LARP1B: variants seen among roughly 807,000 people sequenced by gnomAD.
LARP1B encodes the protein La ribonucleoprotein 1B.
LARP1B carries 76 observed loss-of-function variants against 114.2 expected under a neutral mutation model. The observed-to-expected ratio is 0.67, with a 90% CI of 0.55 to 0.81. The LOEUF (loss-of-function observed/expected upper bound fraction) is 0.81. LARP1B is among the 30% of genes least tolerant of loss of function. The probability of loss-of-function intolerance (pLI) is 0.00; values close to 1 mark genes in which losing one functional copy is unlikely to be tolerated. For synonymous variants in LARP1B, 345 were observed against 348.0 expected (o/e 0.99, Z 0.10); for missense variants, 1,014 against 1,075.8 (o/e 0.94, Z 0.80).
At chr4:128,160,893 T>C (rs1001178092) in intron 11 of LARP1B, among the ~76,000 whole-genome samples, 2 of 152,236 alleles carry the variant, frequency 1.3e-5, no homozygotes, top group African/African-American at 4.8e-5. Context: ...GACTTCATCT[T>C]TGAAGACAGA....
In LARP1B at chr4:128,108,090, T is replaced by C; in HGVS notation, c.988+777T>C. The C allele has an allele frequency of 2.9e-6, 4 of 1,399,290 alleles. 1 individual carries two copies. 86.7% of individuals were successfully genotyped at this position (1,399,290 alleles called of 1,614,324 possible). A position where few individuals can be genotyped will look rare whatever the true frequency, so the allele number is the denominator to read the frequency against. ...ACACTGCAGTGGAGATAACCACCTT[T>C]GCGATAATGAGAGACAGACCAGAGG... On this transcript the variant is annotated intron_variant, in intron 9 of 19. Coordinates refer to ENST00000326639, the MANE Select transcript of LARP1B (RefSeq NM_018078.4).
chr4:128,075,915 A>G (rs1169109204), intron 3 of LARP1B, among the ~76,000 whole-genome samples: 2 of 152,196 alleles, frequency 1.3e-5, no homozygotes, highest in African/African-American at 2.4e-5. Flanking sequence ...ATAAAATCAC[A>G]TACATTGATA....
intron 7 of LARP1B, among the ~76,000 whole-genome samples, chr4:128,096,285 G>A (rs1350134711): frequency 6.6e-6 from 1 of 152,154 alleles, no homozygotes; most frequent in Non-Finnish European, 1.5e-5. Context: ...GAGCCACCGC[G>A]CCCGGCCTAT....
chr4:128,084,971 C>G (rs537227020), intron 5 of LARP1B, among the ~76,000 whole-genome samples: 3 of 152,124 alleles, frequency 2.0e-5, no homozygotes, highest in African/African-American at 4.8e-5. Flanking sequence ...TCAAGCAATT[C>G]TTCTGTTTCA....
chr4:128,209,832 G>C (rs760269931), intron 19 of LARP1B, 24 bp from the exon 20 acceptor site: 3 of 1,590,740 alleles, frequency 1.9e-6, no homozygotes, highest in Non-Finnish European at 2.6e-6. Flanking sequence ...AATTGTCAAC[G>C]GTGTTGCCTT....
In LARP1B at chr4:128,061,600, A is replaced by G. The variant is rs948107177; in HGVS notation, c.-78+199A>G. 5 of 820,096 alleles carry G rather than the reference A, an allele frequency of 6.1e-6. No individual in the cohort carries two copies. In the Admixed American group the frequency reaches 3.1e-4, roughly 52 times the overall value. 50.8% of individuals were successfully genotyped at this position (820,096 alleles called of 1,614,324 possible). Reference sequence around the variant, plus strand: ...CCGGGCTCTCGGGTTGTCTGTCCCCAGTTGGAGCCGGCCGGTGTCCCGGCG... The same window carrying G: ...CCGGGCTCTCGGGTTGTCTGTCCCCGGTTGGAGCCGGCCGGTGTCCCGGCG... On this transcript the variant is annotated intron_variant, in intron 1 of 19. Coordinates refer to ENST00000326639, the MANE Select transcript of LARP1B (RefSeq NM_018078.4).
At chr4:128,079,911 A>C (rs1228219980) in intron 4 of LARP1B, among the ~76,000 whole-genome samples, 2 of 151,824 alleles carry the variant, frequency 1.3e-5, no homozygotes, top group Non-Finnish European at 2.9e-5. Context: ...CCTGCTTCCT[A>C]CATACGTAAG....
chr4:128,169,581 A>T (rs538503119), intron 12 of LARP1B, among the ~76,000 whole-genome samples: 1 of 152,168 alleles, frequency 6.6e-6, no homozygotes, highest in Admixed American at 6.6e-5. Context: ...TTTCTGATAT[A>T]AGCATTTAAT....
intron 1 of LARP1B, among the ~76,000 whole-genome samples, chr4:128,073,832 C>T (rs548697001): frequency 5.3e-5 from 8 of 151,894 alleles, no homozygotes; most frequent in East Asian, 3.9e-4. Context: ...TCCAGTGATC[C>T]GCCCATCTTG....
intron 11 of LARP1B, among the ~76,000 whole-genome samples, chr4:128,157,619 C>T (rs983188153): frequency 1.3e-5 from 2 of 152,034 alleles, no homozygotes; most frequent in African/African-American, 4.8e-5. Context: ...AGACTTACAG[C>T]TAACTTCTCA....
chr4:128,158,793 A>G (rs1010433698), intron 11 of LARP1B, among the ~76,000 whole-genome samples: 2 of 152,172 alleles, frequency 1.3e-5, no homozygotes, highest in African/African-American at 4.8e-5. Context: ...GGAAGTTGCA[A>G]AAAGTGTACA....
At chr4:128,139,508 T>C (rs971370691) in intron 11 of LARP1B, among the ~76,000 whole-genome samples, 1 of 151,836 alleles carries the variant, frequency 6.6e-6, no homozygotes, top group Non-Finnish European at 1.5e-5. Context: ...GGCAATATAG[T>C]GAGGCCCATC....
intron 11 of LARP1B, among the ~76,000 whole-genome samples, chr4:128,138,710 C>A (rs557247669): frequency 6.5e-4 from 99 of 152,294 alleles, no homozygotes; most frequent in African/African-American, 2.3e-3. Context: ...GTAATCCCAA[C>A]CTTTTGTGAG....
rs551424022 is a variant in LARP1B, at chr4:128,211,358, G to A, written c.*1305G>A. On this transcript the variant is annotated 3_prime_UTR_variant, in exon 20 of 20. Transcript: ENST00000326639. ...ATTGTATTTTCTTTTTGAGCAGATT[G>A]GATATCTTGTTCTTATAAATTATAA... 1 of 960,496 alleles carries A rather than the reference G, an allele frequency of 1.0e-6. No individual in the cohort carries two copies. Among genetic ancestry groups the A allele is most frequent in the East Asian group, 1.2e-4 (1 of 8,666 alleles). The allele number at this position is 960,496 out of a possible 1,614,324, so 59.5% of individuals were successfully genotyped here. A position where few individuals can be genotyped will look rare whatever the true frequency, so the allele number is the denominator to read the frequency against.
intron 8 of LARP1B, among the ~76,000 whole-genome samples, chr4:128,102,423 T>C (rs1160507445): frequency 6.6e-6 from 1 of 152,244 alleles, no homozygotes; most frequent in East Asian, 1.9e-4. Flanking sequence ...TTGTTAGTCT[T>C]AAACGATGTC....
intron 10 of LARP1B, among the ~76,000 whole-genome samples, chr4:128,120,123 C>T (rs1787396030): frequency 6.6e-6 from 1 of 152,130 alleles, no homozygotes; most frequent in Non-Finnish European, 1.5e-5. Context: ...AGAATGTGAG[C>T]TCCATCAGGG....
chr4:128,082,016 A>G (rs1770687864), intron 4 of LARP1B, 149 bp from the exon 5 acceptor site: 1 of 762,090 alleles, frequency 1.3e-6, no homozygotes, highest in Non-Finnish European at 2.1e-6. Flanking sequence ...GATTACAGGC[A>G]TGAGCCACCG....
intron 11 of LARP1B, chr4:128,123,264 G>A (rs959802701): frequency 2.0e-6 from 2 of 985,288 alleles, no homozygotes; most frequent in South Asian, 4.7e-5. Flanking sequence ...TAGAGCCTTA[G>A]CAGTTCTCTG....
At chr4:128,212,909 TCTC>T (rs1266255301), downstream of LARP1B, among the ~76,000 whole-genome samples, 4 of 115,630 alleles carry the variant, frequency 3.5e-5, no homozygotes, top group South Asian at 3.4e-4. Flanking sequence ...TTTAAATCTC[TCTC>T]TTTTTTTTTT....
Sources: gnomAD v4.1 joint callset for allele counts (sites outside exome capture counted in the v4.1 genomes callset) on GRCh38, gnomAD v4.1.1 for gene constraint, MANE v1.5 for transcripts, NCBI Gene and HGNC (gene_info 2026-07-23, HGNC 2026-07-21) for gene names.